Variants in TNNI3K observed in about 807,000 individuals in gnomAD.
The protein encoded by TNNI3K is serine/threonine-protein kinase TNNI3K.
In TNNI3K, 140 loss-of-function variants were observed where a neutral mutation model predicts 114.5. That is an observed-to-expected ratio of 1.22 (90% CI 1.07 to 1.41). TNNI3K has a LOEUF of 1.41. Ranked by LOEUF, TNNI3K falls within the 40% of genes most tolerant of loss-of-function variation. TNNI3K has a pLI of 0.00. For synonymous variants in TNNI3K, 347 were observed against 347.5 expected, an observed-to-expected ratio of 1.00 and a Z score of 0.02; for missense variants, 1,125 against 1,007.6, an observed-to-expected ratio of 1.12 and a Z score of -1.58.
intron 6 of TNNI3K, among the ~76,000 whole-genome samples, chr1:74,333,806 A>G (rs930581488): frequency 2.0e-5 from 3 of 152,248 alleles, no homozygotes; most frequent in African/African-American, 7.2e-5. Flanking sequence ...ATGTAATAAT[A>G]GTCCTTAATA....
chr1:74,427,408 T>C (rs1314555500), intron 17 of TNNI3K, among the ~76,000 whole-genome samples: 1 of 151,926 alleles, frequency 6.6e-6, no homozygotes, highest in African/African-American at 2.4e-5. Flanking sequence ...TTCTTTATTC[T>C]CTAAGGTTTT....
chr1:74,481,748 A>G (rs906870186), intron 21 of TNNI3K, among the ~76,000 whole-genome samples: 12 of 152,324 alleles, frequency 7.9e-5, no homozygotes, highest in Middle Eastern at 3.4e-3. Context: ...TTTTAACTCA[A>G]TAAAGAAGTA....
chr1:74,312,061 C>G (rs980440794), intron 5 of TNNI3K, among the ~76,000 whole-genome samples: 1 of 152,076 alleles, frequency 6.6e-6, no homozygotes, highest in Non-Finnish European at 1.5e-5. Flanking sequence ...AGAAGATGAA[C>G]AGCTTTTCTG....
chr1:74,368,972 A>G (rs200854617), intron 13 of TNNI3K, 50 bp from the exon 14 acceptor site: 5 of 1,470,674 alleles, frequency 3.4e-6, no homozygotes, highest in Non-Finnish European at 4.6e-6. Context: ...ATACACATCC[A>G]TGTGTGTGGT....
intron 23 of TNNI3K, among the ~76,000 whole-genome samples, chr1:74,518,874 CTT>C (rs1327871291): frequency 0.05 from 1,452 of 28,902 alleles, 29 homozygotes; most frequent in East Asian, 0.17. Flanking sequence ...TTTTTTTCCC[CTT>C]TTTTTTTTTT....
chr1:74,364,135 G>A (rs892328678), intron 11 of TNNI3K, among the ~76,000 whole-genome samples: 1 of 150,644 alleles, frequency 6.6e-6, no homozygotes, highest in Non-Finnish European at 1.5e-5. Flanking sequence ...CAGTAGCTGG[G>A]ACTACAGGCA....
At chr1:74,296,413 CT>C (rs2100304452) in intron 5 of TNNI3K, among the ~76,000 whole-genome samples, 1 of 151,648 alleles carries the variant, frequency 6.6e-6, no homozygotes, top group East Asian at 1.9e-4. Flanking sequence ...CATATATTAC[CT>C]TTTTGTGTAT....
intron 23 of TNNI3K, among the ~76,000 whole-genome samples, chr1:74,536,037 A>G (rs1190497799): frequency 6.6e-6 from 1 of 152,132 alleles, no homozygotes; most frequent in African/African-American, 2.4e-5. Flanking sequence ...TGTTTTTCTA[A>G]GAGTGCAGAA....
At chr1:74,401,776 G>T (rs184181288) in intron 17 of TNNI3K, 46 of 430,676 alleles carry the variant, frequency 1.1e-4, no homozygotes, top group African/African-American at 8.9e-4. Flanking sequence ...CCATAAAATT[G>T]CTATGTAATT....
intron 20 of TNNI3K, among the ~76,000 whole-genome samples, chr1:74,442,673 C>T (rs925819975): frequency 5.9e-5 from 9 of 152,028 alleles, no homozygotes; most frequent in Non-Finnish European, 1.0e-4. Flanking sequence ...ACAAACCTTG[C>T]ATATTTTTAT....
At chr1:74,372,538 T>G (rs1475630778) in intron 17 of TNNI3K, 1 of 151,966 alleles carries the variant, frequency 6.6e-6, no homozygotes, top group African/African-American at 2.4e-5. Context: ...TTTACCTTTC[T>G]TAATTTCAAA....
intron 5 of TNNI3K, among the ~76,000 whole-genome samples, chr1:74,272,510 G>A (rs1656412920): frequency 6.6e-6 from 1 of 151,738 alleles, no homozygotes; most frequent in Admixed American, 6.6e-5. Context: ...TTAAGGAATG[G>A]CACTTGCAAG....
chr1:74,283,607 A>G (rs1051352854), intron 5 of TNNI3K, among the ~76,000 whole-genome samples: 1 of 152,158 alleles, frequency 6.6e-6, no homozygotes, highest in African/African-American at 2.4e-5. Flanking sequence ...AAAATGATGG[A>G]AGAAACATTA....
intron 4 of TNNI3K, among the ~76,000 whole-genome samples, chr1:74,266,676 T>C (rs1557461562): frequency 6.6e-6 from 1 of 152,040 alleles, no homozygotes; most frequent in Non-Finnish European, 1.5e-5. Flanking sequence ...AAAATGGATG[T>C]AATATGGTAG....
chr1:74,336,629 C>G (rs1428564759), intron 7 of TNNI3K, among the ~76,000 whole-genome samples: 1 of 151,464 alleles, frequency 6.6e-6, no homozygotes, highest in Non-Finnish European at 1.5e-5. Flanking sequence ...CGATAGTTTA[C>G]TGAGAATGAT....
intron 7 of TNNI3K, among the ~76,000 whole-genome samples, chr1:74,338,889 T>C (rs531131177): frequency 2.0e-5 from 3 of 152,280 alleles, no homozygotes; most frequent in Admixed American, 1.3e-4. Context: ...ATGTAAGGAA[T>C]GCTGTTCCTT....
intron 20 of TNNI3K, among the ~76,000 whole-genome samples, chr1:74,454,376 T>C (rs190164043): frequency 1.3e-5 from 2 of 152,268 alleles, no homozygotes; most frequent in African/African-American, 4.8e-5. Context: ...TCTTCCCCAC[T>C]ACCCTTCCCA....
chr1:74,353,668 A>T (rs1416829256), intron 10 of TNNI3K, among the ~76,000 whole-genome samples: 3 of 149,876 alleles, frequency 2.0e-5, no homozygotes, highest in African/African-American at 7.3e-5. Flanking sequence ...AAAACCTGTG[A>T]TGGGTCTTTG....
At position 74,336,036 on chromosome 1, in the gene TNNI3K, G is replaced by C. The variant is rs1212449805; in HGVS notation, c.569G>C (p.Gly190Ala). 6.3e-7 allele frequency: 1 copy of C among 1,581,738 alleles called. No individual in the cohort carries two copies. Among genetic ancestry groups the C allele is most frequent in the African/African-American group, 1.4e-5 (1 of 72,650 alleles). The change falls in exon 7 of 25, where the codon GGT becomes GCT. Residue 190 changes from glycine (G) to alanine (A), a missense_variant. Coordinates refer to ENST00000326637, the MANE Select transcript of TNNI3K (RefSeq NM_015978.3). ...GTAACTCGCCTTCTTTTGAAATTTG[G>C]TGCTGATGTAAATGTAAGTGGTGAA... is the stretch of plus-strand genomic sequence containing the variant. ...EQVTRLLLKF[G>A]ADVNVSGEVG...
Sources: gnomAD v4.1 joint callset for allele counts (sites outside exome capture counted in the v4.1 genomes callset) on GRCh38, gnomAD v4.1.1 for gene constraint, MANE v1.5 for transcripts, NCBI Gene and HGNC (gene_info 2026-07-23, HGNC 2026-07-21) for gene names.